Variants in HHLA2 observed in about 807,000 individuals in gnomAD.
HHLA2 encodes the protein HHLA2 member of B7 family.
HHLA2 carries 48 observed loss-of-function variants against 45.9 expected under a neutral mutation model. The observed-to-expected ratio is 1.05, with a 90% confidence interval of 0.83 to 1.33. HHLA2 has a LOEUF of 1.33. HHLA2 is among the 40% of genes most tolerant of loss of function. The pLI, the probability that HHLA2 is intolerant of heterozygous loss-of-function variation, is 0.00. For synonymous variants in HHLA2, 161 were observed against 173.9 expected (o/e 0.93, Z 0.59); for missense variants, 462 against 494.3 (o/e 0.93, Z 0.62).
chr3:108,330,131 G>T (rs558065627), intron 3 of HHLA2, among the ~76,000 whole-genome samples: 3 of 152,266 alleles, frequency 2.0e-5, no homozygotes, highest in South Asian at 4.2e-4. Context: ...AGTGATCAGA[G>T]AGTGAAAGAA....
At chr3:108,324,820 T>G (rs937961470) in intron 2 of HHLA2, among the ~76,000 whole-genome samples, 6 of 152,194 alleles carry the variant, frequency 3.9e-5, no homozygotes, top group African/African-American at 1.4e-4. Flanking sequence ...TCCTTCTTTC[T>G]GGGCCTTGCT....
intron 3 of HHLA2, among the ~76,000 whole-genome samples, chr3:108,350,846 G>A (rs1010152388): frequency 2.0e-5 from 3 of 151,902 alleles, no homozygotes; most frequent in East Asian, 1.9e-4. Flanking sequence ...CACCACACCC[G>A]GCTAATTTTT....
chr3:108,331,731 T>C lies in HHLA2; in HGVS notation c.-27+3384T>C, dbSNP rs369038783. Among the ~76,000 whole-genome samples the C allele has an allele frequency of 2.6e-4, 40 of 152,294 alleles. No homozygotes were observed. In the South Asian group the frequency reaches 8.1e-3, roughly 31 times the overall value. ...CATTTGCCCTGTAGCAAGTTTTTGA[T>C]TGAAGATCTAATCAAAGATTGTATT... On this transcript the variant is annotated intron_variant, in intron 3 of 10. Transcript: ENST00000619531.
intron 2 of HHLA2, among the ~76,000 whole-genome samples, chr3:108,313,020 G>T (rs2081046379): frequency 1.3e-5 from 2 of 152,140 alleles, no homozygotes; most frequent in Admixed American, 1.3e-4. Flanking sequence ...GAGAAAAGTG[G>T]TGCCTTGCCA....
chr3:108,368,082 C>A (rs559352278), intron 8 of HHLA2, among the ~76,000 whole-genome samples: 1 of 152,168 alleles, frequency 6.6e-6, no homozygotes, highest in East Asian at 1.9e-4. Context: ...GAATTTTCAA[C>A]CCAGAATTTC....
At chr3:108,346,850 T>G (rs2081669451) in intron 3 of HHLA2, among the ~76,000 whole-genome samples, 1 of 152,212 alleles carries the variant, frequency 6.6e-6, no homozygotes, top group Non-Finnish European at 1.5e-5. Context: ...TCTGGAGCTA[T>G]TAAGATGGGT....
chr3:108,375,831 A>T (rs771428224), intron 9 of HHLA2, 31 bp downstream of exon 8: 4 of 1,606,082 alleles, frequency 2.5e-6, no homozygotes, highest in Non-Finnish European at 1.7e-6. Flanking sequence ...AGAAGAATGG[A>T]TTCTGGTTCT....
Position 108,353,800 on chromosome 3 carries a change from T to G in HHLA2, c.418+20T>G. On this transcript the variant is annotated intron_variant, in intron 5 of 10. Coordinates refer to ENST00000619531, the Ensembl canonical transcript of HHLA2. ...TGGGAGGTAAGTGTGCATGTAAAGT[T>G]TCATGAAACAGCAATGACATCATTC... The G allele has an allele frequency of 1.9e-6, 3 of 1,547,910 alleles. No individual in the cohort carries two copies. The highest frequency in any genetic ancestry group is 2.6e-6 in the Non-Finnish European group (3 of 1,134,150).
intron 8 of HHLA2, among the ~76,000 whole-genome samples, chr3:108,369,584 G>T (rs918456291): frequency 6.6e-6 from 1 of 152,150 alleles, no homozygotes; most frequent in Non-Finnish European, 1.5e-5. Context: ...GGTGACAGAC[G>T]GCATCTGGAA....
chr3:108,322,947 T>C (rs1022350305), intron 2 of HHLA2, among the ~76,000 whole-genome samples: 2 of 152,200 alleles, frequency 1.3e-5, no homozygotes, highest in African/African-American at 2.4e-5. Context: ...TGGTGGACTT[T>C]CACATTTTCC....
exon 10 of HHLA2, chr3:108,376,548 A>C: frequency 6.2e-7 from 1 of 1,612,498 alleles, no homozygotes; most frequent in Non-Finnish European, 8.5e-7. Flanking sequence ...ATAATGGCGA[A>C]GAAAATGTGG....
chr3:108,326,907 A>G (rs773358484), intron 2 of HHLA2: 5 of 152,196 alleles, frequency 3.3e-5, no homozygotes, highest in African/African-American at 9.7e-5. Context: ...CCCTATATTC[A>G]TAGCTCTTCA....
chr3:108,358,277 T>A, intron 7 of HHLA2, 116 bp downstream of exon 6: 2 of 680,620 alleles, frequency 2.9e-6, no homozygotes, highest in Non-Finnish European at 4.7e-6. Context: ...TCTCAAAATA[T>A]AATCCACAGG....
intron 1 of HHLA2, among the ~76,000 whole-genome samples, chr3:108,298,324 T>G (rs2080796413): frequency 6.6e-6 from 1 of 152,192 alleles, no homozygotes; most frequent in Non-Finnish European, 1.5e-5. Flanking sequence ...TATAAACATA[T>G]GCCACCAGAA....
chr3:108,329,273 A>C (rs114095733), intron 3 of HHLA2, among the ~76,000 whole-genome samples: 3,810 of 152,272 alleles, frequency 0.025, 65 homozygotes, highest in Middle Eastern at 0.054. Context: ...GTGATTCAGG[A>C]TCAGCCAACA....
intron 2 of HHLA2, among the ~76,000 whole-genome samples, chr3:108,314,255 C>A (rs1311152307): frequency 6.6e-6 from 1 of 150,844 alleles, no homozygotes; most frequent in Non-Finnish European, 1.5e-5. Context: ...ATTGGGGGAA[C>A]AACTGTAGCA....
intron 3 of HHLA2, among the ~76,000 whole-genome samples, chr3:108,335,410 A>G (rs2081454786): frequency 6.6e-6 from 1 of 152,198 alleles, no homozygotes; most frequent in African/African-American, 2.4e-5. Context: ...ACCACTGACT[A>G]TAAGTAGATT....
intron 2 of HHLA2, among the ~76,000 whole-genome samples, chr3:108,323,422 A>T (rs973005745): frequency 3.9e-5 from 6 of 152,172 alleles, no homozygotes; most frequent in Non-Finnish European, 4.4e-5. Context: ...ATAAAAATTT[A>T]AAAAATTTGA....
intron 3 of HHLA2, among the ~76,000 whole-genome samples, chr3:108,341,969 T>C (rs539489163): frequency 6.6e-6 from 1 of 152,342 alleles, no homozygotes; most frequent in East Asian, 1.9e-4. Context: ...TTTGCCATCA[T>C]GTTCTGCTCT....
Sources: gnomAD v4.1 joint callset for allele counts (sites outside exome capture counted in the v4.1 genomes callset) on GRCh38, gnomAD v4.1.1 for gene constraint, MANE v1.5 for transcripts, NCBI Gene and HGNC (gene_info 2026-07-23, HGNC 2026-07-21) for gene names.